SLC38A9: variants seen among roughly 807,000 people sequenced by gnomAD.
The protein encoded by SLC38A9 is solute carrier family 38 member 9.
In SLC38A9, 48 loss-of-function variants were observed where a neutral mutation model predicts 62.3. The ratio of observed to expected loss-of-function variants is 0.77; its 90% CI spans 0.61 to 0.98. The LOEUF (loss-of-function observed/expected upper bound fraction) is 0.98, where lower values mean the gene tolerates loss of function less well. SLC38A9 is among the 50% of genes least tolerant of loss of function. SLC38A9 has a pLI of 0.00. For synonymous variants in SLC38A9, 204 were observed against 227.7 expected, an observed-to-expected ratio of 0.90 and a Z score of 0.94; for missense variants, 541 against 679.8, an observed-to-expected ratio of 0.80 and a Z score of 2.27.
intron 3 of SLC38A9, among the ~76,000 whole-genome samples, chr5:55,688,380 C>CCTTTT (rs1754237103): frequency 8.1e-6 from 1 of 123,294 alleles, no homozygotes; most frequent in Admixed American, 8.9e-5. Flanking sequence ...GGCATAATCT[C>CCTTTT]TTTTTTTTTT....
At position 55,628,071 on chromosome 5, in the gene SLC38A9, C is replaced by T. The variant is rs538088975; in HGVS notation, c.1431-91G>A. The stretch of plus-strand genomic sequence containing the variant: ...ATATGAGACTACAGTTCATTCTTAA[C>T]ATCGTTAAAATCAAAATGTCTTAAG... On this transcript the variant is annotated intron_variant, in intron 14 of 15. Coordinates refer to ENST00000396865, the MANE Select transcript of SLC38A9 (RefSeq NM_173514.4). 3.5e-5 allele frequency: 27 copies of T among 769,540 alleles called. No homozygotes were observed. The African/African-American group carries it at 4.7e-4, about 13-fold the overall frequency. The allele number at this position is 769,540 out of a possible 1,614,324, so 47.7% of individuals were successfully genotyped here.
At chr5:55,671,321 T>C (rs1751281361) in intron 4 of SLC38A9, among the ~76,000 whole-genome samples, 1 of 151,920 alleles carries the variant, frequency 6.6e-6, no homozygotes, top group Non-Finnish European at 1.5e-5. Flanking sequence ...ATGGTTTTTA[T>C]AATTTTATAA....
At chr5:55,655,765 C>T (rs1748302045) in intron 9 of SLC38A9, among the ~76,000 whole-genome samples, 1 of 152,076 alleles carries the variant, frequency 6.6e-6, no homozygotes, top group African/African-American at 2.4e-5. Context: ...CAATGTGCAT[C>T]TCCATCAACA....
intron 4 of SLC38A9, 21 bp from the exon 5 acceptor site, chr5:55,669,900 A>T: frequency 6.4e-7 from 1 of 1,572,716 alleles, no homozygotes; most frequent in Non-Finnish European, 8.6e-7. Context: ...GGAAACATAG[A>T]TAAATTTCAG....
At chr5:55,627,403 G>A (rs1465287374) in intron 15 of SLC38A9, among the ~76,000 whole-genome samples, 1 of 114,452 alleles carries the variant, frequency 8.7e-6, no homozygotes, top group Non-Finnish European at 2.1e-5. Context: ...CACGTTTTTA[G>A]GAAAAGGATA....
intron 12 of SLC38A9, among the ~76,000 whole-genome samples, chr5:55,639,406 T>G (rs1745036458): frequency 6.6e-6 from 1 of 152,034 alleles, no homozygotes; most frequent in Non-Finnish European, 1.5e-5. Context: ...TCACTACACC[T>G]ATTTAGGAGT....
At chr5:55,652,820 C>G (rs1292268600) in intron 9 of SLC38A9, 97 bp from the exon 10 acceptor site, 9 of 928,628 alleles carry the variant, frequency 9.7e-6, no homozygotes, top group Non-Finnish European at 1.4e-5. Flanking sequence ...CAGACACTTG[C>G]TCTACCAACC....
At chr5:55,662,152 G>A (rs1007459257) in intron 8 of SLC38A9, among the ~76,000 whole-genome samples, 6 of 152,168 alleles carry the variant, frequency 3.9e-5, no homozygotes, top group African/African-American at 1.4e-4. Context: ...TCCATAACTT[G>A]GAGAAATTCT....
chr5:55,705,635 A>G (rs1757195634), intron 2 of SLC38A9, among the ~76,000 whole-genome samples: 1 of 152,124 alleles, frequency 6.6e-6, no homozygotes, highest in Non-Finnish European at 1.5e-5. Flanking sequence ...CAAAAGAAGC[A>G]TCTGAAAATC....
chr5:55,644,794 G>A (rs1746042906), intron 12 of SLC38A9, among the ~76,000 whole-genome samples: 1 of 152,010 alleles, frequency 6.6e-6, no homozygotes, highest in Non-Finnish European at 1.5e-5. Context: ...GTATACATGT[G>A]CCATGCTGGT....
intron 14 of SLC38A9, among the ~76,000 whole-genome samples, chr5:55,632,979 A>G (rs1310850632): frequency 1.3e-5 from 2 of 151,218 alleles, no homozygotes; most frequent in Admixed American, 1.3e-4. Context: ...ACATAAAACC[A>G]CATTCAAATA....
chr5:55,631,259 C>T (rs1439444679), intron 14 of SLC38A9, among the ~76,000 whole-genome samples: 1 of 151,942 alleles, frequency 6.6e-6, no homozygotes, highest in East Asian at 1.9e-4. Flanking sequence ...GGTCCTGAGA[C>T]CAAAAATTAT....
chr5:55,700,625 C>T (rs1756520992), intron 2 of SLC38A9, among the ~76,000 whole-genome samples: 1 of 152,146 alleles, frequency 6.6e-6, no homozygotes. Flanking sequence ...ATAGAAAGCA[C>T]AAGATAAATA....
chr5:55,639,196 C>T (rs953545390), intron 12 of SLC38A9, among the ~76,000 whole-genome samples: 5 of 149,196 alleles, frequency 3.4e-5, no homozygotes, highest in Non-Finnish European at 5.9e-5. Flanking sequence ...CTGCTTGAAC[C>T]GGGAAGGCGG....
At chr5:55,628,496 A>C (rs1277234621) in intron 14 of SLC38A9, among the ~76,000 whole-genome samples, 1 of 152,210 alleles carries the variant, frequency 6.6e-6, no homozygotes, top group Non-Finnish European at 1.5e-5. Context: ...ATTTGGAAAA[A>C]AAAATCAGAA....
chr5:55,705,962 C>T (rs1365788168), intron 2 of SLC38A9, among the ~76,000 whole-genome samples: 1 of 152,136 alleles, frequency 6.6e-6, no homozygotes, highest in African/African-American at 2.4e-5. Context: ...CCTGCCTCGG[C>T]CTCCCAAAGT....
intron 11 of SLC38A9, among the ~76,000 whole-genome samples, chr5:55,647,161 ATTTAT>A (rs928845959): frequency 7.8e-6 from 1 of 127,790 alleles, no homozygotes; most frequent in East Asian, 2.1e-4. Flanking sequence ...AGGTTATGCA[ATTTAT>A]TTTATTTTAT....
intron 8 of SLC38A9, among the ~76,000 whole-genome samples, chr5:55,660,061 C>T (rs969519319): frequency 2.0e-5 from 3 of 151,274 alleles, no homozygotes; most frequent in East Asian, 2.0e-4. Flanking sequence ...CCACCACGCC[C>T]GGCTACAAAA....
chr5:55,681,489 C>G (rs1283796404), intron 3 of SLC38A9, among the ~76,000 whole-genome samples: 2 of 152,116 alleles, frequency 1.3e-5, no homozygotes, highest in South Asian at 4.1e-4. Context: ...AGTCTCTACC[C>G]CTATGGTTTA....
Sources: allele counts gnomAD v4.1 joint callset (sites outside exome capture counted in the v4.1 genomes callset), GRCh38; gene constraint gnomAD v4.1.1; transcripts MANE v1.5; gene names NCBI Gene and HGNC (gene_info 2026-07-23, HGNC 2026-07-21).